Variants in ADGRG6 observed in about 807,000 individuals in gnomAD.
ADGRG6 encodes G-protein coupled receptor 126.
ADGRG6 carries 84 observed loss-of-function variants against 142.4 expected under a neutral mutation model. The observed-to-expected ratio is 0.59, with a 90% confidence interval of 0.49 to 0.71. The LOEUF (loss-of-function observed/expected upper bound fraction) is 0.71. ADGRG6 is among the 30% of genes least tolerant of loss of function. The pLI is 0.00. For synonymous variants in ADGRG6, 521 were observed against 520.5 expected, an observed-to-expected ratio of 1.00 and a Z score of -0.01; for missense variants, 1,367 against 1,466.6, an observed-to-expected ratio of 0.93 and a Z score of 1.11.
At chr6:142,400,736 C>T (rs1447613886) in intron 11 of ADGRG6, 140 bp downstream of exon 11, 2 of 583,460 alleles carry the variant, frequency 3.4e-6, no homozygotes, top group Non-Finnish European at 6.2e-6. Flanking sequence ...GTATCATTCA[C>T]TCCTGGGGAA....
At chr6:142,335,215 G>A (rs1472449522) in intron 2 of ADGRG6, among the ~76,000 whole-genome samples, 1 of 152,194 alleles carries the variant, frequency 6.6e-6, no homozygotes, top group Non-Finnish European at 1.5e-5. Flanking sequence ...AGGTTTAGAT[G>A]TTTGGTTTTT....
At position 142,400,477 on chromosome 6, in the gene ADGRG6, T is replaced by TCAG; in HGVS notation, c.1568-6_1568-5insGCA. On this transcript the variant is annotated splice_polypyrimidine_tract_variant and splice_region_variant and intron_variant, in intron 10 of 24. Transcript: ENST00000367609. ...ATATTTCTCATGCTGGTTCTTATGT[T>TCAG]CATATAGGTCATTGTCTTGCCATGG... The TCAG allele has an allele frequency of 7.6e-7, 1 of 1,315,854 alleles. No homozygotes were observed. Among genetic ancestry groups the TCAG allele is most frequent in the South Asian group, 1.2e-5 (1 of 84,318 alleles). 81.5% of individuals were successfully genotyped at this position (1,315,854 alleles called of 1,614,324 possible).
At chr6:142,372,791 T>C (rs537340879) in intron 4 of ADGRG6, among the ~76,000 whole-genome samples, 10 of 152,292 alleles carry the variant, frequency 6.6e-5, no homozygotes, top group South Asian at 4.2e-4. Context: ...GAGGGAATGG[T>C]GCACTTCCTG....
rs145777239 is a variant in ADGRG6 at position 142,303,425 on chromosome 6, C to T, written c.2+1094C>T. Among the ~76,000 whole-genome samples, 181 of 152,308 alleles carry T rather than the reference C, an allele frequency of 1.2e-3. 1 individual carries two copies. The highest frequency in any genetic ancestry group is 4.0e-3 in the African/African-American group (168 of 41,558). ...AAAATAGGAGAAAGAAAGGATAGTG[C>T]CCACAAGCCTAGCACTCTGTAACTC... On this transcript the variant is annotated intron_variant, in intron 1 of 24. Coordinates refer to ENST00000367609, the MANE Select transcript of ADGRG6 (RefSeq NM_198569.3).
At chr6:142,380,412 C>G (rs1781717173) in intron 4 of ADGRG6, among the ~76,000 whole-genome samples, 1 of 152,032 alleles carries the variant, frequency 6.6e-6, no homozygotes, top group Non-Finnish European at 1.5e-5. Flanking sequence ...GCCCACCACT[C>G]AAGGTTCTAG....
chr6:142,370,827 T>G (rs1287923561), intron 4 of ADGRG6, 34 bp downstream of exon 4: 1 of 1,604,032 alleles, frequency 6.2e-7, no homozygotes, highest in African/African-American at 1.3e-5. Context: ...TTTTTTTTTT[T>G]TTTAGCATTA....
In ADGRG6 at chr6:142,444,566, T is replaced by C. The variant is rs1346974918; in HGVS notation, c.*1051T>C. On this transcript the variant is annotated 3_prime_UTR_variant, in exon 25 of 25. Coordinates refer to ENST00000367609, the MANE Select transcript of ADGRG6 (RefSeq NM_198569.3). Reference sequence around the variant, plus strand: ...GGTGAGTCATAATAATCAAAATAATTTATGAAGAGCTGGGTCTGCAATAGC... The same window carrying C: ...GGTGAGTCATAATAATCAAAATAATCTATGAAGAGCTGGGTCTGCAATAGC... The C allele has an allele frequency of 2.0e-5, 3 of 152,152 alleles. No individual in the cohort carries two copies. The highest frequency in any genetic ancestry group is 7.2e-5 in the African/African-American group (3 of 41,440). 9.4% of individuals were successfully genotyped at this position (152,152 alleles called of 1,614,324 possible). A position where few individuals can be genotyped will look rare whatever the true frequency, so the allele number is the denominator to read the frequency against.
chr6:142,382,142 C>G, intron 5 of ADGRG6, 123 bp downstream of exon 5: 1 of 645,796 alleles, frequency 1.5e-6, no homozygotes, highest in Non-Finnish European at 2.8e-6. Flanking sequence ...AACAGCAAAA[C>G]AGAAGAATTT....
Position 142,415,858 on chromosome 6 carries a change from T to C in ADGRG6, c.2732T>C (p.Leu911Pro), listed in dbSNP as rs753380361. 6.2e-7 allele frequency: 1 copy of C among 1,612,158 alleles called. No individual in the cohort carries two copies. Among genetic ancestry groups the C allele is most frequent in the Non-Finnish European group, 8.5e-7 (1 of 1,178,312 alleles). The change falls in exon 20 of 25, where the codon CTG (leucine) becomes CCG (proline). Residue 911 changes from leucine to proline, a missense_variant. By Grantham distance (98) the Leu-to-Pro change is moderately conservative (BLOSUM62 -3). Transcript: ENST00000367609. ...AACCTGAGCACAGCCCTGCTGTTCC[T>C]GAATCTCCTCTTCCTCCTAGATGGC... ...LMNLSTALLF[L>P]NLLFLLDGWI... is the part of the protein sequence containing the mutation.
At chr6:142,332,647 A>G (rs547617522) in intron 2 of ADGRG6, among the ~76,000 whole-genome samples, 3 of 152,282 alleles carry the variant, frequency 2.0e-5, no homozygotes, top group African/African-American at 7.2e-5. Flanking sequence ...GTGGACATAA[A>G]ACATTATTAC....
chr6:142,350,046 A>G (rs959490311), intron 2 of ADGRG6, among the ~76,000 whole-genome samples: 1 of 152,228 alleles, frequency 6.6e-6, no homozygotes, highest in Admixed American at 6.5e-5. Context: ...TGACTTTGAA[A>G]AGCTTACAGA....
chr6:142,352,457 A>T (rs997883214), intron 2 of ADGRG6, among the ~76,000 whole-genome samples: 1 of 152,048 alleles, frequency 6.6e-6, no homozygotes, highest in African/African-American at 2.4e-5. Flanking sequence ...GACACTAGGA[A>T]CTGCTTGAGT....
chr6:142,406,015 G>C (rs1410972599), intron 15 of ADGRG6, among the ~76,000 whole-genome samples, 187 bp downstream of exon 15: 1 of 152,122 alleles, frequency 6.6e-6, no homozygotes, highest in Non-Finnish European at 1.5e-5. Context: ...TAATTAACAA[G>C]TTGTATGTAC....
chr6:142,388,896 C>G (rs936128542), intron 6 of ADGRG6, among the ~76,000 whole-genome samples: 1 of 152,000 alleles, frequency 6.6e-6, no homozygotes, highest in African/African-American at 2.4e-5. Context: ...CCCAATCATT[C>G]AGAACATCTG....
Position 142,302,244 on chromosome 6 carries a change from C to G in ADGRG6, c.-86C>G. The G allele has an allele frequency of 1.3e-6, 2 of 1,538,526 alleles. No individual in the cohort carries two copies. Among genetic ancestry groups the G allele is most frequent in the African/African-American group, 2.7e-5 (2 of 73,614 alleles). ...CGCAGGGCTGGGGCGCCTGGGTTCCCCCTGGGTGGAGCAGCGGCAGCAGAG... is the reference window on the plus strand; with the variant it reads ...CGCAGGGCTGGGGCGCCTGGGTTCCGCCTGGGTGGAGCAGCGGCAGCAGAG... On this transcript the variant is annotated 5_prime_UTR_variant, in exon 1 of 25. Transcript: ENST00000367609.
At chr6:142,307,337 A>G (rs2114498820) in intron 1 of ADGRG6, among the ~76,000 whole-genome samples, 1 of 152,090 alleles carries the variant, frequency 6.6e-6, no homozygotes, top group Non-Finnish European at 1.5e-5. Context: ...TTCTGGACCT[A>G]AGTTTCCTTT....
At chr6:142,370,936 A>G (rs1208300251) in intron 4 of ADGRG6, 143 bp downstream of exon 4, 1 of 867,498 alleles carries the variant, frequency 1.2e-6, no homozygotes, top group Admixed American at 2.8e-5. Flanking sequence ...GTTGTCATTA[A>G]AAAGCTCTTT....
Position 142,383,781 on chromosome 6 carries a change from CT to C in ADGRG6, c.1161del (p.Thr388HisfsTer29). On this transcript the variant is annotated frameshift_variant, in exon 6 of 25. Transcript: ENST00000367609. LOFTEE classifies it high-confidence loss of function. The part of the protein sequence containing the change: ...LCQATVNSPS[T>X]TPPTVTTNMP... ...CCAGCTACTGTAAACTCTCCTAGTA[CT>C]ACACCACCCACTGTCACCACTAACA... The C allele has an allele frequency of 6.4e-7, 1 of 1,569,916 alleles. No homozygotes were observed. The highest frequency in any genetic ancestry group is 1.3e-5 in the African/African-American group (1 of 74,092).
At position 142,370,229 on chromosome 6, in the gene ADGRG6, G is replaced by C; in HGVS notation, c.505G>C (p.Val169Leu). ...ILPQTSDAYQ[V>L]SVAKSISIPE... ...ACCCCAGACATCAGATGCTTACCAGGTATCTGTTGCAAAAAGCATCTCTAT... is the reference window on the plus strand; with the variant it reads ...ACCCCAGACATCAGATGCTTACCAGCTATCTGTTGCAAAAAGCATCTCTAT... Residue 169 changes from valine (V) to leucine (L), a missense_variant, in exon 4 of 25, where the codon GTA becomes CTA. Val to Leu is a conservative substitution (Grantham distance 32, BLOSUM62 1). Coordinates refer to ENST00000367609, the MANE Select transcript of ADGRG6 (RefSeq NM_198569.3). 4 of 1,610,602 alleles carry C rather than the reference G, an allele frequency of 2.5e-6. No individual in the cohort carries two copies. The highest frequency in any genetic ancestry group is 3.4e-6 in the Non-Finnish European group (4 of 1,176,976).
Sources: allele counts gnomAD v4.1 joint callset (sites outside exome capture counted in the v4.1 genomes callset), GRCh38; gene constraint gnomAD v4.1.1; transcripts MANE v1.5; gene names NCBI Gene and HGNC (gene_info 2026-07-23, HGNC 2026-07-21).